ENDOD1: variants seen among roughly 807,000 people sequenced by gnomAD.
ENDOD1 encodes endonuclease domain containing 1.
ENDOD1 carries 9 observed loss-of-function variants against 6.5 expected under a neutral mutation model. The observed-to-expected ratio is 1.39, with a 90% CI of 0.84 to 2.43. The LOEUF is 2.43. ENDOD1 is among the 30% of genes most tolerant of loss of function. The probability of loss-of-function intolerance (pLI) is 0.00; values close to 1 mark genes in which losing one functional copy is unlikely to be tolerated. For missense variants in ENDOD1, 648 were observed against 635.5 expected (o/e 1.02, Z -0.21); for synonymous variants, 255 against 255.2 (o/e 1.00, Z 0.01).
chr11:95,100,041 C>T (rs1859023109), intron 1 of ENDOD1, among the ~76,000 whole-genome samples: 1 of 152,218 alleles, frequency 6.6e-6, no homozygotes, highest in Non-Finnish European at 1.5e-5. Context: ...CTTTTATTCT[C>T]ATTCTTGGAT....
Position 95,128,661 on chromosome 11 carries a change from C to T in ENDOD1, c.585C>T (p.Asp195=), listed in dbSNP as rs767594187. Reference sequence around the variant, plus strand: ...CCCCACAGTGTGGCAGTGGGGAAGACCTATATATCCTCACAGGCACAGTGC... The same window carrying T: ...CCCCACAGTGTGGCAGTGGGGAAGATCTATATATCCTCACAGGCACAGTGC... ...ALTPQCGSGE[D]LYILTGTVPS... is the part of the protein sequence containing the mutation. The change falls in exon 2 of 2, where the codon GAC becomes GAT. Residue 195 remains aspartate, a synonymous_variant. Transcript: ENST00000278505. 1 of 1,614,128 alleles carries T rather than the reference C, an allele frequency of 6.2e-7. No individual in the cohort carries two copies.
rs1212317831 is a variant in ENDOD1, at chr11:95,132,026, G to A, written c.*2447G>A. 6.5e-6 allele frequency: 1 copy of A among 152,674 alleles called. No individual in the cohort carries two copies. Among genetic ancestry groups the A allele is most frequent in the Non-Finnish European group, 1.5e-5 (1 of 68,090 alleles). 9.5% of individuals were successfully genotyped at this position (152,674 alleles called of 1,614,324 possible). A position where few individuals can be genotyped will look rare whatever the true frequency, so the allele number is the denominator to read the frequency against. ...TGCATTGGACGTGAAGCCACAGCAG[G>A]TGGCTGGACTGCTGGCCTGTTCCTA... On this transcript the variant is annotated 3_prime_UTR_variant, in exon 2 of 2. Transcript: ENST00000278505.
chr11:95,110,222 C>T (rs1241307393), intron 1 of ENDOD1, among the ~76,000 whole-genome samples: 1 of 152,240 alleles, frequency 6.6e-6, no homozygotes, highest in Non-Finnish European at 1.5e-5. Context: ...ATTGCCAACA[C>T]CAGCCCTCAT....
intron 1 of ENDOD1, among the ~76,000 whole-genome samples, chr11:95,110,083 G>A (rs1555111754): frequency 6.6e-6 from 1 of 152,204 alleles, no homozygotes; most frequent in African/African-American, 2.4e-5. Flanking sequence ...TCTTTTCAGT[G>A]GTCTTTTTCC....
intron 1 of ENDOD1, among the ~76,000 whole-genome samples, chr11:95,120,288 G>A (rs913777250): frequency 6.6e-6 from 1 of 152,166 alleles, no homozygotes; most frequent in Non-Finnish European, 1.5e-5. Context: ...CCTGAAGCCA[G>A]GAAGTCTCAG....
intron 1 of ENDOD1, among the ~76,000 whole-genome samples, chr11:95,105,973 A>C (rs1555111363): frequency 6.6e-6 from 1 of 152,138 alleles, no homozygotes; most frequent in African/African-American, 2.4e-5. Context: ...TGTCTGTACA[A>C]AAATTCAGCC....
At chr11:95,109,832 G>A (rs1370761817) in intron 1 of ENDOD1, among the ~76,000 whole-genome samples, 3 of 152,214 alleles carry the variant, frequency 2.0e-5, no homozygotes, top group African/African-American at 7.2e-5. Flanking sequence ...TCACATCAGC[G>A]GTGCCATTAG....
chr11:95,113,497 A>G (rs782706971), intron 1 of ENDOD1, among the ~76,000 whole-genome samples: 1 of 152,156 alleles, frequency 6.6e-6, no homozygotes, highest in Non-Finnish European at 1.5e-5. Flanking sequence ...AGAAAATGCA[A>G]TGTTTGTATT....
chr11:95,100,036 A>G (rs1419745146), intron 1 of ENDOD1, among the ~76,000 whole-genome samples: 2 of 152,206 alleles, frequency 1.3e-5, no homozygotes, highest in African/African-American at 4.8e-5. Flanking sequence ...AAAAACTTTT[A>G]TTCTCATTCT....
intron 1 of ENDOD1, among the ~76,000 whole-genome samples, chr11:95,119,162 C>T (rs1859239158): frequency 6.6e-6 from 1 of 152,144 alleles, no homozygotes; most frequent in Non-Finnish European, 1.5e-5. Flanking sequence ...CAGGATTGGT[C>T]CCTGGTGCTT....
At chr11:95,123,088 C>G (rs755543797) in intron 1 of ENDOD1, among the ~76,000 whole-genome samples, 4 of 151,844 alleles carry the variant, frequency 2.6e-5, no homozygotes, top group Non-Finnish European at 5.9e-5. Context: ...ACTCCAGAGG[C>G]TGAGGCAGGA....
At chr11:95,109,292 T>C (rs1465259230) in intron 1 of ENDOD1, among the ~76,000 whole-genome samples, 1 of 152,152 alleles carries the variant, frequency 6.6e-6, no homozygotes, top group African/African-American at 2.4e-5. Context: ...ATTGAGAGTT[T>C]AATAACCACT....
intron 1 of ENDOD1, among the ~76,000 whole-genome samples, chr11:95,095,312 T>G (rs1436276101): frequency 6.8e-6 from 1 of 146,164 alleles, no homozygotes; most frequent in Non-Finnish European, 1.5e-5. Flanking sequence ...ATCTCCACCC[T>G]CTCTGTCCTG....
In ENDOD1 at chr11:95,089,882, C is replaced by A. The variant is rs1190821069; in HGVS notation, c.-46C>A. ...CCCGCCCAGCCTGCAGAGCTCGCGC[C>A]GCGGCAGCCCAGCCGCTCGGCCCCG... On this transcript the variant is annotated 5_prime_UTR_variant, in exon 1 of 2. Coordinates refer to ENST00000278505, the MANE Select transcript of ENDOD1 (RefSeq NM_015036.3). The A allele has an allele frequency of 1.4e-5, 18 of 1,290,472 alleles. No individual in the cohort carries two copies. Among genetic ancestry groups the A allele is most frequent in the Admixed American group, 4.3e-5 (1 of 23,426 alleles). The allele number at this position is 1,290,472 out of a possible 1,614,324, so 79.9% of individuals were successfully genotyped here.
In ENDOD1 at chr11:95,128,647, G is replaced by T; in HGVS notation, c.571G>T (p.Gly191Cys). The T allele has an allele frequency of 6.2e-7, 1 of 1,614,102 alleles. No homozygotes were observed. Among genetic ancestry groups the T allele is most frequent in the South Asian group, 1.1e-5 (1 of 91,072 alleles). Residue 191 changes from glycine to cysteine, a missense_variant, in exon 2 of 2, where the codon GGC becomes TGC. Gly to Cys is a radical substitution (Grantham distance 159). Transcript: ENST00000278505. ...GGACCGGGCTTTGACCCCACAGTGTGGCAGTGGGGAAGACCTATATATCCT... is the reference window on the plus strand; with the variant it reads ...GGACCGGGCTTTGACCCCACAGTGTTGCAGTGGGGAAGACCTATATATCCT... ...LMDRALTPQC[G>C]SGEDLYILTG...
At chr11:95,115,805 A>G (rs953184397) in intron 1 of ENDOD1, among the ~76,000 whole-genome samples, 5 of 152,128 alleles carry the variant, frequency 3.3e-5, no homozygotes, top group Admixed American at 1.3e-4. Flanking sequence ...TGATTTATGT[A>G]TGTTCAACCA....
chr11:95,089,860 G>A lies in ENDOD1; in HGVS notation c.-68G>A, dbSNP rs138039025. On this transcript the variant is annotated 5_prime_UTR_variant, in exon 1 of 2. Transcript: ENST00000278505. Reference sequence around the variant, plus strand: ...TGCTCGGCTGCGTAGTGCGCTCCCCGCCCAGCCTGCAGAGCTCGCGCCGCG... The same window carrying A: ...TGCTCGGCTGCGTAGTGCGCTCCCCACCCAGCCTGCAGAGCTCGCGCCGCG... 6.0e-3 allele frequency: 7,503 copies of A among 1,260,248 alleles called. 45 individuals carry two copies. The highest frequency in any genetic ancestry group is 8.2e-3 in the South Asian group (256 of 31,168). The allele number at this position is 1,260,248 out of a possible 1,614,324, so 78.1% of individuals were successfully genotyped here.
intron 1 of ENDOD1, among the ~76,000 whole-genome samples, chr11:95,109,100 C>G (rs1191516900): frequency 6.6e-6 from 1 of 152,160 alleles, no homozygotes; most frequent in Non-Finnish European, 1.5e-5. Flanking sequence ...TATTTTAACT[C>G]TTGTTGAAAA....
intron 1 of ENDOD1, among the ~76,000 whole-genome samples, chr11:95,115,172 G>A (rs565135778): frequency 1.3e-5 from 2 of 152,200 alleles, no homozygotes; most frequent in South Asian, 2.1e-4. Context: ...TCTTTCAGTA[G>A]TGTGTTATAG....
Sources: allele counts gnomAD v4.1 joint callset (sites outside exome capture counted in the v4.1 genomes callset), GRCh38; gene constraint gnomAD v4.1.1; transcripts MANE v1.5; gene names NCBI Gene and HGNC (gene_info 2026-07-23, HGNC 2026-07-21).